Variants in IRAG1 observed in about 807,000 individuals in gnomAD.
IRAG1 encodes the protein inositol 1,4,5-triphosphate receptor associated 1, also known as IP3R-associated cGMP kinase substrate.
In IRAG1, 62 loss-of-function variants were observed where a neutral mutation model predicts 106.2. The ratio of observed to expected loss-of-function variants is 0.58; its 90% CI spans 0.48 to 0.72. The LOEUF (loss-of-function observed/expected upper bound fraction) is 0.72. IRAG1 is among the 30% of genes least tolerant of loss of function. The pLI, the probability that IRAG1 is intolerant of heterozygous loss-of-function variation, is 0.00. For missense variants in IRAG1, 1,064 were observed against 1,140.7 expected (o/e 0.93, Z 0.97); for synonymous variants, 462 against 443.9 (o/e 1.04, Z -0.51).
intron 14 of IRAG1, among the ~76,000 whole-genome samples, chr11:10,602,220 T>A (rs961417953): frequency 1.8e-4 from 27 of 152,242 alleles, no homozygotes; most frequent in African/African-American, 6.3e-4. Flanking sequence ...AGGTCTTTCT[T>A]TTATTTAATA....
At chr11:10,650,659 A>G (rs1858404486) in intron 2 of IRAG1, among the ~76,000 whole-genome samples, 1 of 152,118 alleles carries the variant, frequency 6.6e-6, no homozygotes, top group South Asian at 2.1e-4. Flanking sequence ...TCCTTTCCTT[A>G]ATCCCCAAGC....
At chr11:10,678,442 AT>A in intron 1 of IRAG1, among the ~76,000 whole-genome samples, 1 of 152,192 alleles carries the variant, frequency 6.6e-6, no homozygotes, top group African/African-American at 2.4e-5. Context: ...CAGACATATT[AT>A]TTAATTTATT....
chr11:10,606,810 C>T (rs1189410109), intron 11 of IRAG1, 38 bp from the exon 12 acceptor site: 5 of 1,551,318 alleles, frequency 3.2e-6, no homozygotes, highest in Non-Finnish European at 3.5e-6. Flanking sequence ...CTGTGTGCAA[C>T]CTAGTCAATA....
At chr11:10,683,919 A>T (rs1323255295) in intron 1 of IRAG1, among the ~76,000 whole-genome samples, 2 of 151,888 alleles carry the variant, frequency 1.3e-5, no homozygotes, top group African/African-American at 4.8e-5. Flanking sequence ...TTTTCAAAAT[A>T]TTATTTCATC....
chr11:10,593,748 T>G, intron 16 of IRAG1, 149 bp from the exon 17 acceptor site: 1 of 645,912 alleles, frequency 1.5e-6, no homozygotes. Flanking sequence ...AGAATTGGTG[T>G]GGAGAGAGTG....
chr11:10,646,504 AG>A (rs1415215099), intron 2 of IRAG1, among the ~76,000 whole-genome samples: 1 of 152,174 alleles, frequency 6.6e-6, no homozygotes, highest in African/African-American at 2.4e-5. Context: ...GAGCCAAAAC[AG>A]GAGGAAGGCC....
At chr11:10,591,476 G>T in intron 18 of IRAG1, 72 bp downstream of exon 18, 1 of 1,329,230 alleles carries the variant, frequency 7.5e-7, no homozygotes. Context: ...ATAAAAATGG[G>T]AGGAAGGAAA....
At chr11:10,682,864 T>C (rs1162137506) in intron 1 of IRAG1, among the ~76,000 whole-genome samples, 2 of 152,198 alleles carry the variant, frequency 1.3e-5, no homozygotes, top group African/African-American at 4.8e-5. Flanking sequence ...CCCACAATCC[T>C]GTCCCCTGGC....
intron 18 of IRAG1, among the ~76,000 whole-genome samples, chr11:10,586,379 C>G (rs1851991801): frequency 6.6e-6 from 1 of 151,916 alleles, no homozygotes; most frequent in African/African-American, 2.4e-5. Context: ...CTGGTGTTCT[C>G]CCCTCCCCCA....
At chr11:10,585,916 A>G (rs1851916515) in intron 18 of IRAG1, 1 of 151,498 alleles carries the variant, frequency 6.6e-6, no homozygotes. Context: ...TTTTCTTTCA[A>G]TAGAAGCCTT....
In IRAG1 at chr11:10,628,807, G is replaced by C. The variant is rs781163303; in HGVS notation, c.596C>G (p.Pro199Arg). 1.3e-6 allele frequency: 2 copies of C among 1,579,330 alleles called. No homozygotes were observed. The highest frequency in any genetic ancestry group is 3.7e-5 in the Admixed American group (2 of 54,406). Residue 199 changes from proline (P) to arginine (R), a missense_variant, in exon 6 of 21, where the codon CCC (proline) becomes CGC (arginine). Physicochemically the swap from Pro to Arg is moderately radical, Grantham distance 103 (BLOSUM62 -2). Transcript: ENST00000423302. This position sits in a 1 kb window ranked among gnomAD's most constrained non-coding sequence, Gnocchi z 4.1. ...SPSAVSPNLS[P>R]SASPTSSRSN... is the part of the protein sequence containing the mutation. ...CCGAGAGGATGTAGGAGAAGCGCTG[G>C]GGCTGAGGTTCGGGGAAACAGCTGT...
At chr11:10,640,743 T>C (rs1327028453) in intron 2 of IRAG1, among the ~76,000 whole-genome samples, 1 of 152,120 alleles carries the variant, frequency 6.6e-6, no homozygotes, top group African/African-American at 2.4e-5. Flanking sequence ...TAAGACCAAA[T>C]AGCGTTGGCC....
At chr11:10,634,864 C>T (rs947941411) in intron 2 of IRAG1, among the ~76,000 whole-genome samples, 2 of 151,424 alleles carry the variant, frequency 1.3e-5, no homozygotes, top group African/African-American at 4.9e-5. Context: ...TAGATTGTTT[C>T]CATACCTTGT....
chr11:10,652,033 C>A lies in IRAG1; in HGVS notation c.217G>T (p.Ala73Ser), dbSNP rs757603233. The A allele has an allele frequency of 1.9e-6, 3 of 1,573,688 alleles. No individual in the cohort carries two copies. Among genetic ancestry groups the A allele is most frequent in the Non-Finnish European group, 2.6e-6 (3 of 1,160,878 alleles). The change falls in exon 2 of 21, where the codon GCC (alanine) becomes TCC (serine). Residue 73 changes from alanine (A) to serine (S), a missense_variant. By Grantham distance (99) the Ala-to-Ser change is moderately conservative. Transcript: ENST00000423302. ...PGEPQAAQSP[A>S]GQGPPAAGVS... ...AGGGAGGGGGCACTTACTTGGCCGGCAGGGCTCTGGGCTGCCTGTGGCTCT... is the reference window on the plus strand; with the variant it reads ...AGGGAGGGGGCACTTACTTGGCCGGAAGGGCTCTGGGCTGCCTGTGGCTCT...
intron 14 of IRAG1, among the ~76,000 whole-genome samples, chr11:10,602,657 T>C (rs2134331030): frequency 6.6e-6 from 1 of 152,316 alleles, no homozygotes; most frequent in Non-Finnish European, 1.5e-5. Context: ...GCTGGGTGGA[T>C]TTAATGAGAC....
chr11:10,628,966 A>G lies in IRAG1; in HGVS notation c.575-138T>C, dbSNP rs1856484951. ...GCTCAGGGGCTGATGCTGGACTGCA[A>G]TATGATGCTCCTGTTACAGCCCAAC... On this transcript the variant is annotated intron_variant, in intron 5 of 20. Transcript: ENST00000423302. This position sits in a 1 kb window ranked among gnomAD's most constrained non-coding sequence, Gnocchi z 4.1. 6.4e-6 allele frequency: 5 copies of G among 776,698 alleles called. No homozygotes were observed. The East Asian group carries it at 1.2e-4, about 19-fold the overall frequency. 48.1% of individuals were successfully genotyped at this position (776,698 alleles called of 1,614,324 possible).
At chr11:10,678,595 T>A (rs1035513765) in intron 1 of IRAG1, among the ~76,000 whole-genome samples, 2 of 152,202 alleles carry the variant, frequency 1.3e-5, no homozygotes, top group African/African-American at 2.4e-5. Context: ...CAGTGCCCTT[T>A]CCACGCCACC....
intron 3 of IRAG1, among the ~76,000 whole-genome samples, 164 bp downstream of exon 3, chr11:10,633,804 A>T (rs920846892): frequency 6.6e-6 from 1 of 152,258 alleles, no homozygotes; most frequent in Admixed American, 6.5e-5. Context: ...AAGATAATGG[A>T]AAAATTCCTA....
chr11:10,643,031 C>G (rs9633863), intron 2 of IRAG1, among the ~76,000 whole-genome samples: 30,086 of 151,948 alleles, frequency 0.2, 4,422 homozygotes, highest in East Asian at 0.76. Flanking sequence ...CAAAATTAGC[C>G]GGGCATGGTG....
Sources: allele counts gnomAD v4.1 joint callset (sites outside exome capture counted in the v4.1 genomes callset), GRCh38; gene constraint gnomAD v4.1.1; non-coding constraint Gnocchi (gnomAD v3.1); transcripts MANE v1.5; gene names NCBI Gene and HGNC (gene_info 2026-07-23, HGNC 2026-07-21).